The following FGD6 variants were observed in gnomAD, a reference collection of about 807,000 sequenced individuals.
FGD6 encodes the protein FYVE, RhoGEF and PH domain-containing protein 6.
A neutral mutation model predicts 149.4 loss-of-function variants in FGD6; 90 were observed. The ratio of observed to expected loss-of-function variants is 0.60; its 90% CI spans 0.51 to 0.72. The LOEUF (loss-of-function observed/expected upper bound fraction) is 0.72. Among genes scored for constraint, FGD6 ranks in the 30% least tolerant of loss-of-function variants. The pLI is 0.00. For synonymous variants in FGD6, 527 were observed against 584.0 expected, an observed-to-expected ratio of 0.90 and a Z score of 1.41; for missense variants, 1,437 against 1,684.8, an observed-to-expected ratio of 0.85 and a Z score of 2.57.
intron 17 of FGD6, among the ~76,000 whole-genome samples, chr12:95,090,963 G>A (rs146936530): frequency 2.8e-4 from 42 of 152,266 alleles, no homozygotes; most frequent in African/African-American, 8.9e-4. Flanking sequence ...TTAGCCTGGC[G>A]TGGTCACGCG....
chr12:95,194,485 T>A (rs1445148202), intron 2 of FGD6, among the ~76,000 whole-genome samples: 1 of 152,284 alleles, frequency 6.6e-6, no homozygotes, highest in African/African-American at 2.4e-5. Flanking sequence ...TCTGCCCACC[T>A]CAGCTTCCCA....
At chr12:95,140,796 A>C (rs560468246) in intron 6 of FGD6, among the ~76,000 whole-genome samples, 5 of 152,336 alleles carry the variant, frequency 3.3e-5, no homozygotes, top group Admixed American at 1.3e-4. Flanking sequence ...AATCTCAAAA[A>C]TCTTGATTGC....
intron 1 of FGD6, 93 bp downstream of exon 1, chr12:95,217,132 T>C (rs2056825513): frequency 6.4e-7 from 1 of 1,572,096 alleles, no homozygotes; most frequent in Non-Finnish European, 8.7e-7. Context: ...GGCACACAAC[T>C]CGCCCACCCC....
chr12:95,103,591 G>A (rs1158973279), intron 14 of FGD6, among the ~76,000 whole-genome samples: 1 of 152,184 alleles, frequency 6.6e-6, no homozygotes, highest in African/African-American at 2.4e-5. Flanking sequence ...CTGGAGTGCA[G>A]TGGAGTGATC....
rs556072063 is a variant in FGD6 at position 95,113,222 on chromosome 12, G to T, written c.3133+429C>A. On this transcript the variant is annotated intron_variant, in intron 9 of 20. Transcript: ENST00000343958. ...TGCTCAAAATGGAGTTTCCAGGAAG[G>T]CCTCAAGTCTTTTTTTTTTTTTTTT... Among the ~76,000 whole-genome samples the T allele has an allele frequency of 4.2e-5, 6 of 141,910 alleles. No individual in the cohort carries two copies. The East Asian group carries it at 8.2e-4, about 19-fold the overall frequency. The allele number at this position is 141,910 out of a possible 152,430, so 93.1% of individuals were successfully genotyped here.
chr12:95,081,270 T>G lies in FGD6; in HGVS notation c.*250A>C. The G allele has an allele frequency of 6.0e-6, 2 of 331,774 alleles. No individual in the cohort carries two copies. The highest frequency in any genetic ancestry group is 1.1e-5 in the Non-Finnish European group (2 of 179,920). The allele number at this position is 331,774 out of a possible 1,614,324, so 20.6% of individuals were successfully genotyped here. On this transcript the variant is annotated 3_prime_UTR_variant, in exon 21 of 21. Transcript: ENST00000343958. ...TTCTGGTCTCTAAAGAAATGGTACT[T>G]TAGAATTCAGTGTGTCTCAGAAATA...
rs182846921 is a variant in FGD6 at position 95,141,556 on chromosome 12, C to A, written c.2686-17G>T. 3.8e-4 allele frequency: 608 copies of A among 1,613,504 alleles called. No homozygotes were observed. Among genetic ancestry groups the A allele is most frequent in the Non-Finnish European group, 4.7e-4 (560 of 1,179,796 alleles). On this transcript the variant is annotated splice_polypyrimidine_tract_variant and intron_variant, in intron 5 of 20. Coordinates refer to ENST00000343958, the MANE Select transcript of FGD6 (RefSeq NM_018351.4). ...CCGGAAATCCTATTACAGTCCAGAG[C>A]AGGAAAAACAATACACACACATGTA...
In FGD6 at chr12:95,084,513, G is replaced by C; in HGVS notation, c.4241C>G (p.Ala1414Gly). The change falls in exon 20 of 21, where the codon GCT becomes GGT. Residue 1414 changes from alanine (A) to glycine (G), a missense_variant. By Grantham distance (60) the Ala-to-Gly change is moderately conservative. Transcript: ENST00000343958. ...MLFYVFKAED[A>G]HSAQKWIEAF... ...GATTACTTACTTCTGAGCCGAATGA[G>C]CATCCTCTGCTTTGAATACATAAAA... is the stretch of plus-strand genomic sequence containing the variant. 1 of 1,567,890 alleles carries C rather than the reference G, an allele frequency of 6.4e-7. No homozygotes were observed. The highest frequency in any genetic ancestry group is 2.0e-5 in the Admixed American group (1 of 48,938).
chr12:95,189,887 T>C (rs1881540968), intron 2 of FGD6, among the ~76,000 whole-genome samples: 1 of 152,180 alleles, frequency 6.6e-6, no homozygotes, highest in South Asian at 2.1e-4. Flanking sequence ...ATTTCCTTAA[T>C]AGTAATAGAA....
At position 95,209,066 on chromosome 12, in the gene FGD6, C is replaced by CA; in HGVS notation, c.2217dup (p.Val740CysfsTer10). ...TACTCCGGTGCACAGAGGCTTGTAA[C>CA]AGACTTGTAAGGTGCCTGAGATGAT... On this transcript the variant is annotated frameshift_variant, in exon 2 of 21. Coordinates refer to ENST00000343958, the MANE Select transcript of FGD6 (RefSeq NM_018351.4). LOFTEE classifies it high-confidence loss of function. 6.2e-7 allele frequency: 1 copy of CA among 1,614,180 alleles called. No homozygotes were observed. Among genetic ancestry groups the CA allele is most frequent in the South Asian group, 1.1e-5 (1 of 91,082 alleles).
intron 8 of FGD6, among the ~76,000 whole-genome samples, chr12:95,122,337 C>G (rs966287633): frequency 2.0e-5 from 3 of 152,140 alleles, no homozygotes; most frequent in Admixed American, 1.3e-4. Context: ...ATTGTTGTAG[C>G]CCCTGCACCT....
intron 2 of FGD6, among the ~76,000 whole-genome samples, chr12:95,190,772 G>A (rs1467521218): frequency 2.0e-5 from 3 of 151,954 alleles, no homozygotes; most frequent in Non-Finnish European, 2.9e-5. Flanking sequence ...AATTTTGGGC[G>A]AGGCATGGTG....
intron 2 of FGD6, among the ~76,000 whole-genome samples, chr12:95,194,352 C>G (rs1881681022): frequency 6.6e-6 from 1 of 152,150 alleles, no homozygotes; most frequent in South Asian, 2.1e-4. Context: ...TCTCCTGCCC[C>G]AGCCTCCTGA....
chr12:95,135,737 CACT>C (rs1879646977), intron 7 of FGD6, among the ~76,000 whole-genome samples: 1 of 152,204 alleles, frequency 6.6e-6, no homozygotes, highest in South Asian at 2.1e-4. Context: ...TATGTACCAC[CACT>C]ATCTGGTACA....
chr12:95,092,851 G>A lies in FGD6; in HGVS notation c.3601-6C>T. The A allele has an allele frequency of 6.2e-7, 1 of 1,603,624 alleles. No homozygotes were observed. Among genetic ancestry groups the A allele is most frequent in the Non-Finnish European group, 8.5e-7 (1 of 1,174,652 alleles). ...TCTTTATTTTCTGAGTCTGCCTGTG[G>A]AAGAAGAACAACTTCTGATTATCTC... On this transcript the variant is annotated splice_polypyrimidine_tract_variant and splice_region_variant and intron_variant, in intron 15 of 20. Coordinates refer to ENST00000343958, the MANE Select transcript of FGD6 (RefSeq NM_018351.4).
At chr12:95,194,026 T>C (rs1398276109) in intron 2 of FGD6, among the ~76,000 whole-genome samples, 1 of 152,104 alleles carries the variant, frequency 6.6e-6, no homozygotes, top group Non-Finnish European at 1.5e-5. Context: ...CTTGACCTCC[T>C]GGGCTCCAGT....
intron 15 of FGD6, 95 bp downstream of exon 15, chr12:95,094,497 C>G: frequency 1.3e-6 from 1 of 793,376 alleles, no homozygotes; most frequent in South Asian, 1.7e-5. Flanking sequence ...CAATCATTTT[C>G]TGAAACACAT....
Position 95,137,681 on chromosome 12 carries a change from A to G in FGD6, c.2838-3T>C, listed in dbSNP as rs753388387. The G allele has an allele frequency of 5.1e-6, 8 of 1,566,026 alleles. No individual in the cohort carries two copies. In the East Asian group the frequency reaches 9.1e-5, roughly 18 times the overall value. Reference sequence around the variant, plus strand: ...CAGCAATTCTTTGTTGTTCAGTCCTATGGATAGAGAAGAGATACACAAAAA... The same window carrying G: ...CAGCAATTCTTTGTTGTTCAGTCCTGTGGATAGAGAAGAGATACACAAAAA... On this transcript the variant is annotated splice_region_variant and splice_polypyrimidine_tract_variant and intron_variant, in intron 6 of 20. Coordinates refer to ENST00000343958, the MANE Select transcript of FGD6 (RefSeq NM_018351.4).
intron 2 of FGD6, among the ~76,000 whole-genome samples, chr12:95,195,769 A>G: frequency 1.5e-5 from 1 of 68,742 alleles, no homozygotes; most frequent in Non-Finnish European, 2.9e-5. Flanking sequence ...TGACGGGAAG[A>G]GGTGGGAGGG....
Sources: allele counts gnomAD v4.1 joint callset (sites outside exome capture counted in the v4.1 genomes callset), GRCh38; gene constraint gnomAD v4.1.1; transcripts MANE v1.5; gene names NCBI Gene and HGNC (gene_info 2026-07-23, HGNC 2026-07-21).